Variants in INSR observed in about 807,000 individuals in gnomAD.
The protein encoded by INSR is IR.
Under a neutral mutation model 142.6 loss-of-function variants are expected in INSR, and 67 were observed. The observed-to-expected ratio is 0.47, with a 90% CI of 0.39 to 0.58. The LOEUF (loss-of-function observed/expected upper bound fraction) is 0.58. Ranked by LOEUF, INSR falls within the 20% of genes least tolerant of loss-of-function variation. INSR has a pLI of 0.00. For missense variants in INSR, 1,248 were observed against 1,833.2 expected (o/e 0.68, Z 5.83); for synonymous variants, 756 against 743.1 (o/e 1.02, Z -0.28).
At chr19:7,270,339 T>TCACACACACACA (rs1178953100) in intron 1 of INSR, among the ~76,000 whole-genome samples, 34 of 120,292 alleles carry the variant, frequency 2.8e-4, no homozygotes, top group African/African-American at 8.5e-4. Flanking sequence ...TCTCTCTCTC[T>TCACACACACACA]CACACACACA....
chr19:7,234,795 C>T (rs1035284663), intron 2 of INSR, among the ~76,000 whole-genome samples: 1 of 152,200 alleles, frequency 6.6e-6, no homozygotes, highest in Non-Finnish European at 1.5e-5. Flanking sequence ...CGCAGTGGCT[C>T]ATGCCTGTAA....
intron 9 of INSR, among the ~76,000 whole-genome samples, chr19:7,158,680 T>C (rs960086141): frequency 8.5e-5 from 13 of 152,056 alleles, no homozygotes; most frequent in African/African-American, 3.1e-4. Context: ...ATGATGGTGG[T>C]AATGGCCGCA....
At chr19:7,129,772 C>G (rs1972733015) in intron 14 of INSR, among the ~76,000 whole-genome samples, 1 of 152,156 alleles carries the variant, frequency 6.6e-6, no homozygotes, top group South Asian at 2.1e-4. Flanking sequence ...GGGTCTTACT[C>G]TGTCACCCAG....
At chr19:7,160,634 G>GAAGAAA (rs1408860438) in intron 9 of INSR, among the ~76,000 whole-genome samples, 1 of 151,244 alleles carries the variant, frequency 6.6e-6, no homozygotes, top group African/African-American at 2.4e-5. Context: ...TAAAAAAGAA[G>GAAGAAA]AAGAAAAAGA....
At chr19:7,221,190 G>A (rs546158542) in intron 2 of INSR, among the ~76,000 whole-genome samples, 4 of 148,476 alleles carry the variant, frequency 2.7e-5, no homozygotes, top group South Asian at 4.3e-4. Flanking sequence ...CCTGGCCAAC[G>A]TGGCGAGACC....
At chr19:7,144,770 C>G (rs73923727) in intron 11 of INSR, among the ~76,000 whole-genome samples, 3,941 of 151,500 alleles carry the variant, frequency 0.026, 131 homozygotes, top group African/African-American at 0.069. Flanking sequence ...ATTACTTCCC[C>G]AAAGTAGATT....
In INSR at chr19:7,117,397, G is replaced by A. The variant is rs371841833; in HGVS notation, c.3808C>T (p.Arg1270Cys). ...TTGGGGTTGAATTGCCAGCACATGCGCATGAGGTCAGTGCTGCGGGGCAGA... is the reference window on the plus strand; with the variant it reads ...TTGGGGTTGAATTGCCAGCACATGCACATGAGGTCAGTGCTGCGGGGCAGA... ...NCPERVTDLMRMCWQFNPKMR... is the reference protein window; with the variant it reads ...NCPERVTDLMCMCWQFNPKMR... The change falls in exon 22 of 22, where the codon CGC (arginine) becomes TGC (cysteine). Residue 1270 changes from arginine (R) to cysteine (C), a missense_variant. Transcript: ENST00000302850. 18 of 1,613,524 alleles carry A rather than the reference G, an allele frequency of 1.1e-5. No homozygotes were observed. The highest frequency in any genetic ancestry group is 8.8e-5 in the South Asian group (8 of 91,064).
intron 9 of INSR, 66 bp from the exon 10 acceptor site, chr19:7,152,993 A>ACCCCC (rs773111548): frequency 5.8e-6 from 4 of 690,608 alleles, no homozygotes; most frequent in Non-Finnish European, 9.1e-6. Context: ...ACACACACAC[A>ACCCCC]CACCCCACAC....
In INSR at chr19:7,192,757, T is replaced by C. The variant is rs1290604592; in HGVS notation, c.653-8120A>G. ...CCGCTGTCTCCCCTTCAAAGCCACA[T>C]TGAGCTGCTGGTCCCAATTTTCCCC... On this transcript the variant is annotated intron_variant, in intron 2 of 21. Transcript: ENST00000302850. This position sits in a 1 kb window ranked among gnomAD's most constrained non-coding sequence, Gnocchi z 4.2. Among the ~76,000 whole-genome samples, 5 of 152,210 alleles carry C rather than the reference T, an allele frequency of 3.3e-5. No homozygotes were observed. The highest frequency in any genetic ancestry group is 5.9e-5 in the Non-Finnish European group (4 of 68,044).
At chr19:7,236,971 G>A (rs1480750452) in intron 2 of INSR, among the ~76,000 whole-genome samples, 1 of 150,414 alleles carries the variant, frequency 6.6e-6, no homozygotes, top group Non-Finnish European at 1.5e-5. Flanking sequence ...AGCTTGCAGT[G>A]AGCCGAGATC....
At chr19:7,291,868 C>G (rs1968500556) in intron 1 of INSR, among the ~76,000 whole-genome samples, 1 of 152,158 alleles carries the variant, frequency 6.6e-6, no homozygotes, top group Non-Finnish European at 1.5e-5. Flanking sequence ...TCTTGGCTCA[C>G]TGCAAGCTCC....
chr19:7,143,821 A>T (rs369863164), intron 11 of INSR, among the ~76,000 whole-genome samples: 3 of 152,280 alleles, frequency 2.0e-5, no homozygotes, highest in African/African-American at 7.2e-5. Flanking sequence ...TTGGGAGGCC[A>T]AGGCGGGCAG....
In INSR at chr19:7,230,815, A is replaced by AT. The variant is rs1023300848; in HGVS notation, c.652+36529_652+36530insA. 4.0e-5 allele frequency among the ~76,000 whole-genome samples: 6 copies of AT among 151,710 alleles called. No homozygotes were observed. In the East Asian group the frequency reaches 5.8e-4, roughly 15 times the overall value. ...AGTGAGACTCCATCTCAAAAATAAA[A>AT]AAAAAATAAAAAATATTAGCTCAAG... is the stretch of plus-strand genomic sequence containing the variant. On this transcript the variant is annotated intron_variant, in intron 2 of 21. Transcript: ENST00000302850.
chr19:7,232,585 T>C (rs1002740530), intron 2 of INSR, among the ~76,000 whole-genome samples: 2 of 151,942 alleles, frequency 1.3e-5, no homozygotes, highest in East Asian at 3.9e-4. Flanking sequence ...AGGCTGAGGG[T>C]GGATCACGAG....
In INSR at chr19:7,122,993, C is replaced by G. The variant is rs778030142; in HGVS notation, c.3259-4G>C. On this transcript the variant is annotated splice_polypyrimidine_tract_variant and splice_region_variant and intron_variant, in intron 17 of 21. Coordinates refer to ENST00000302850, the MANE Select transcript of INSR (RefSeq NM_000208.4). ...ACACCACTCCCAGGAGGCGCACCTG[C>G]AGAGCAAGCAACCAGGGTTCTTGGA... 1.3e-6 allele frequency: 2 copies of G among 1,590,018 alleles called. No homozygotes were observed. Among genetic ancestry groups the G allele is most frequent in the East Asian group, 4.6e-5 (2 of 43,648 alleles).
chr19:7,130,540 T>C (rs1392482011), intron 14 of INSR, among the ~76,000 whole-genome samples: 1 of 152,158 alleles, frequency 6.6e-6, no homozygotes, highest in Non-Finnish European at 1.5e-5. Flanking sequence ...GGGTACTGTA[T>C]AATAAGTGGG....
chr19:7,119,733 C>G lies in INSR; in HGVS notation c.3660-150G>C. On this transcript the variant is annotated intron_variant, in intron 20 of 21. Coordinates refer to ENST00000302850, the MANE Select transcript of INSR (RefSeq NM_000208.4). This position sits in a 1 kb window ranked among gnomAD's most constrained non-coding sequence, Gnocchi z 5.2. ...AAACACACACATGCAAACACACACG[C>G]ACATACACGTGCACACACATGCAAA... 1.2e-6 allele frequency: 1 copy of G among 863,798 alleles called. No individual in the cohort carries two copies. The highest frequency in any genetic ancestry group is 3.3e-4 in the Middle Eastern group (1 of 3,044). The allele number at this position is 863,798 out of a possible 1,614,324, so 53.5% of individuals were successfully genotyped here. A position where few individuals can be genotyped will look rare whatever the true frequency, so the allele number is the denominator to read the frequency against.
chr19:7,153,128 A>C (rs200127727), intron 9 of INSR, among the ~76,000 whole-genome samples: 2 of 1,454 alleles, frequency 1.4e-3, no homozygotes, highest in East Asian at 0.026. Flanking sequence ...ACACACACAC[A>C]CCACACACCA....
intron 2 of INSR, among the ~76,000 whole-genome samples, chr19:7,222,127 TA>T (rs57114939): frequency 0.37 from 46,875 of 125,926 alleles, 8,616 homozygotes; most frequent in South Asian, 0.43. Context: ...ATGTCCTCGG[TA>T]AAAAAAAAAA....
Sources: allele counts gnomAD v4.1 joint callset (sites outside exome capture counted in the v4.1 genomes callset), GRCh38; gene constraint gnomAD v4.1.1; non-coding constraint Gnocchi (gnomAD v3.1); transcripts MANE v1.5; gene names NCBI Gene and HGNC (gene_info 2026-07-23, HGNC 2026-07-21).